The following GNL2 variants were observed in gnomAD, a reference collection of about 807,000 sequenced individuals.
The protein encoded by GNL2 is nucleolar GTP-binding protein 2.
A neutral mutation model predicts 92.3 loss-of-function variants in GNL2; 51 were observed. That is an observed-to-expected ratio of 0.55 (90% CI 0.44 to 0.70). GNL2 has a LOEUF of 0.70. GNL2 is among the 30% of genes least tolerant of loss of function. The pLI, the probability that GNL2 is intolerant of heterozygous loss-of-function variation, is 0.00. For synonymous variants in GNL2, 283 were observed against 300.6 expected, an observed-to-expected ratio of 0.94 and a Z score of 0.61; for missense variants, 844 against 895.6, an observed-to-expected ratio of 0.94 and a Z score of 0.74.
At chr1:37,580,154 C>T (rs540437794) in intron 8 of GNL2, among the ~76,000 whole-genome samples, 2 of 152,160 alleles carry the variant, frequency 1.3e-5, no homozygotes, top group East Asian at 1.9e-4. Flanking sequence ...ATTGGCTGGG[C>T]GTGGTGGCAC....
chr1:37,593,631 C>A, intron 2 of GNL2, 131 bp downstream of exon 2: 2 of 632,444 alleles, frequency 3.2e-6, no homozygotes, highest in Non-Finnish European at 5.6e-6. Context: ...CACTCACGTA[C>A]AATTATATTT....
At chr1:37,567,847 C>CAGG (rs372355590) in intron 14 of GNL2, 83 bp from the exon 15 acceptor site, 1 of 1,040,660 alleles carries the variant, frequency 9.6e-7, no homozygotes, top group African/African-American at 1.6e-5. Flanking sequence ...CTTGATGTAT[C>CAGG]AGGAGGAGGA....
intron 8 of GNL2, among the ~76,000 whole-genome samples, chr1:37,577,636 T>C (rs10908357): frequency 0.14 from 21,304 of 151,932 alleles, 1,836 homozygotes; most frequent in Admixed American, 0.18. Context: ...GTTGTAAAGA[T>C]AGAAAAACTA....
At position 37,592,774 on chromosome 1, in the gene GNL2, T is replaced by C; in HGVS notation, c.182A>G (p.Gln61Arg). 1 of 1,607,744 alleles carries C rather than the reference T, an allele frequency of 6.2e-7. No homozygotes were observed. The highest frequency in any genetic ancestry group is 8.5e-7 in the Non-Finnish European group (1 of 1,174,124). Residue 61 changes from glutamine to arginine, a missense_variant, in exon 3 of 16, where the codon CAA becomes CGA. Coordinates refer to ENST00000373062, the MANE Select transcript of GNL2 (RefSeq NM_013285.3). ...NSRGKIIKPL[Q>R]YQSTVASGTV... ...GCCAGAAGCCACCGTTGATTGATATTGCAGGGGTTTAATTATTTTACCACG... is the reference window on the plus strand; with the variant it reads ...GCCAGAAGCCACCGTTGATTGATATCGCAGGGGTTTAATTATTTTACCACG...
intron 8 of GNL2, among the ~76,000 whole-genome samples, chr1:37,578,917 T>C (rs192472876): frequency 5.9e-5 from 9 of 152,248 alleles, no homozygotes; most frequent in Admixed American, 5.9e-4. Flanking sequence ...AAGTTGACTC[T>C]ACTTGCGGGT....
At chr1:37,574,266 AAG>A in intron 12 of GNL2, 75 bp downstream of exon 12, 1 of 794,534 alleles carries the variant, frequency 1.3e-6, no homozygotes, top group Non-Finnish European at 2.2e-6. Flanking sequence ...ACGCTCTATG[AAG>A]AGAGACAATC....
chr1:37,595,586 A>G (rs1643917257), intron 1 of GNL2, among the ~76,000 whole-genome samples, 173 bp downstream of exon 1: 1 of 152,196 alleles, frequency 6.6e-6, no homozygotes, highest in South Asian at 2.1e-4. Context: ...CCCTGAGAAG[A>G]AACCACCACA....
In GNL2 at chr1:37,575,709, GAA is replaced by G; in HGVS notation, c.1039-12_1039-11del. 6.4e-7 allele frequency: 1 copy of G among 1,556,428 alleles called. No homozygotes were observed. Among genetic ancestry groups the G allele is most frequent in the Non-Finnish European group, 8.8e-7 (1 of 1,141,666 alleles). ...TAATATACTGCCAGACCTGAAGTCA[GAA>G]AAAAGTCAGAGATGTCCTGTATCAA... On this transcript the variant is annotated splice_polypyrimidine_tract_variant and intron_variant, in intron 9 of 15. Coordinates refer to ENST00000373062, the MANE Select transcript of GNL2 (RefSeq NM_013285.3). The surrounding 1 kb of genome is among the most constrained non-coding windows in gnomAD (Gnocchi z 4.1).
At chr1:37,588,206 A>T (rs1342621037) in intron 4 of GNL2, among the ~76,000 whole-genome samples, 1 of 152,154 alleles carries the variant, frequency 6.6e-6, no homozygotes, top group Admixed American at 6.6e-5. Flanking sequence ...TTACAGGCAT[A>T]GGAATTTCTG....
intron 5 of GNL2, among the ~76,000 whole-genome samples, chr1:37,586,299 A>C (rs1379886493): frequency 6.6e-6 from 1 of 152,060 alleles, no homozygotes; most frequent in Non-Finnish European, 1.5e-5. Context: ...TTTTGTAGAG[A>C]CAAGGTCTCA....
At chr1:37,578,451 A>AAAATT (rs1643712358) in intron 8 of GNL2, among the ~76,000 whole-genome samples, 1 of 151,954 alleles carries the variant, frequency 6.6e-6, no homozygotes, top group South Asian at 2.1e-4. Context: ...AAAAAAAAAA[A>AAAATT]AAATTAAATT....
Position 37,587,379 on chromosome 1 carries a change from A to G in GNL2, c.501T>C (p.Ala167=). 1 of 1,613,890 alleles carries G rather than the reference A, an allele frequency of 6.2e-7. No homozygotes were observed. Among genetic ancestry groups the G allele is most frequent in the Non-Finnish European group, 8.5e-7 (1 of 1,179,766 alleles). ...ASDMQSLIEN[A]EMSTESYDQG... Reference sequence around the variant, plus strand: ...GGTCATAGCTCTCAGTGGACATTTCAGCATTTTCGATAAGAGACTGCATAT... The same window carrying G: ...GGTCATAGCTCTCAGTGGACATTTCGGCATTTTCGATAAGAGACTGCATAT... Residue 167 remains alanine, a synonymous_variant, in exon 5 of 16, where the codon GCT becomes GCC. Transcript: ENST00000373062.
At chr1:37,581,331 A>G (rs756436137) in intron 8 of GNL2, 7 of 455,432 alleles carry the variant, frequency 1.5e-5, no homozygotes, top group South Asian at 9.3e-5. Context: ...CAAATTCAAA[A>G]TGACAGGTAC....
intron 14 of GNL2, 185 bp downstream of exon 14, chr1:37,568,090 T>TA (rs1643535738): frequency 1.7e-6 from 1 of 598,816 alleles, no homozygotes; most frequent in Non-Finnish European, 3.0e-6. Flanking sequence ...AATTTAATCC[T>TA]AAAAAATGTG....
intron 8 of GNL2, among the ~76,000 whole-genome samples, chr1:37,578,269 A>G (rs988355373): frequency 6.6e-6 from 1 of 151,646 alleles, no homozygotes; most frequent in African/African-American, 2.4e-5. Context: ...TGAAACCCCA[A>G]CTCTACTCAA....
rs1279447904 is a variant in GNL2, at chr1:37,593,808, G to C, written c.103C>G (p.Arg35Gly). 3 of 1,613,936 alleles carry C rather than the reference G, an allele frequency of 1.9e-6. No individual in the cohort carries two copies. Among genetic ancestry groups the C allele is most frequent in the Non-Finnish European group, 8.5e-7 (1 of 1,179,922 alleles). The change falls in exon 2 of 16, where the codon CGG (arginine) becomes GGG (glycine). Residue 35 changes from arginine to glycine, a missense_variant. Coordinates refer to ENST00000373062, the MANE Select transcript of GNL2 (RefSeq NM_013285.3). ...QGAGGQNMRDRATIRRLNMYR... is the reference protein window; with the variant it reads ...QGAGGQNMRDGATIRRLNMYR... ...ATATTCAGGCGCCGGATGGTGGCCC[G>C]GTCCCTCATGTTTTGGCCTCCTGCT...
chr1:37,574,339 T>C lies in GNL2; in HGVS notation c.1416+4A>G, dbSNP rs1309425338. 1.9e-6 allele frequency: 3 copies of C among 1,608,432 alleles called. No homozygotes were observed. The South Asian group carries it at 3.3e-5, about 18-fold the overall frequency. ...CCCCAGAGGTGGGCCCACCCTGCTC[T>C]TACCTGGGGGGCCACAAGTGGCTCT... On this transcript the variant is annotated splice_donor_region_variant and intron_variant, in intron 12 of 15. Coordinates refer to ENST00000373062, the MANE Select transcript of GNL2 (RefSeq NM_013285.3).
intron 13 of GNL2, 77 bp from the exon 14 acceptor site, chr1:37,568,434 C>T (rs1643541890): frequency 2.2e-6 from 2 of 907,678 alleles, no homozygotes; most frequent in Non-Finnish European, 3.6e-6. Context: ...CTGCGACAAA[C>T]TCACAGACTA....
intron 4 of GNL2, among the ~76,000 whole-genome samples, chr1:37,587,870 T>C (rs949281857): frequency 2.6e-5 from 4 of 152,358 alleles, no homozygotes; most frequent in Admixed American, 6.5e-5. Context: ...CCATTTTTTA[T>C]AGCTTTCAAA....
Sources: gnomAD v4.1 joint callset for allele counts (sites outside exome capture counted in the v4.1 genomes callset) on GRCh38, gnomAD v4.1.1 for gene constraint, Gnocchi (gnomAD v3.1) non-coding constraint, MANE v1.5 for transcripts, NCBI Gene and HGNC (gene_info 2026-07-23, HGNC 2026-07-21) for gene names.